The following APBB1IP variants were observed in gnomAD, a reference collection of about 807,000 sequenced individuals.
The protein encoded by APBB1IP is amyloid beta precursor protein binding family B member 1 interacting protein.
A neutral mutation model predicts 64.9 loss-of-function variants in APBB1IP; 27 were observed. The observed-to-expected ratio is 0.42, with a 90% CI of 0.31 to 0.57. APBB1IP has a LOEUF of 0.57. Ranked by LOEUF, APBB1IP falls within the 20% of genes least tolerant of loss-of-function variation. The pLI is 0.20. For missense variants in APBB1IP, 812 were observed against 845.5 expected, an observed-to-expected ratio of 0.96 and a Z score of 0.49; for synonymous variants, 392 against 331.0, an observed-to-expected ratio of 1.18 and a Z score of -2.00.
At chr10:26,472,805 C>T (rs1350641310) in intron 2 of APBB1IP, among the ~76,000 whole-genome samples, 1 of 152,052 alleles carries the variant, frequency 6.6e-6, no homozygotes, top group East Asian at 1.9e-4. Flanking sequence ...GGCATGGTGC[C>T]ACACTTCTGT....
At chr10:26,513,016 C>G (rs1159395580) in intron 7 of APBB1IP, among the ~76,000 whole-genome samples, 1 of 152,226 alleles carries the variant, frequency 6.6e-6, no homozygotes, top group African/African-American at 2.4e-5. Context: ...CACACTGGCT[C>G]TCACAATTTC....
At chr10:26,506,362 C>T (rs1720083734) in intron 6 of APBB1IP, among the ~76,000 whole-genome samples, 1 of 151,938 alleles carries the variant, frequency 6.6e-6, no homozygotes, top group Non-Finnish European at 1.5e-5. Flanking sequence ...ATCCTCCCAC[C>T]CAGCCTCCCA....
chr10:26,523,010 CAAAA>C (rs35641109), intron 8 of APBB1IP, among the ~76,000 whole-genome samples: 29 of 64,726 alleles, frequency 4.5e-4, no homozygotes, highest in African/African-American at 1.5e-3. Context: ...ACTCCATCTC[CAAAA>C]AAAAAAAAAA....
chr10:26,491,612 G>A (rs111966066), intron 2 of APBB1IP, among the ~76,000 whole-genome samples: 45 of 152,254 alleles, frequency 3.0e-4, no homozygotes, highest in African/African-American at 1.0e-3. Context: ...TTTTCACTTG[G>A]CAGGGCTGCC....
chr10:26,535,839 G>C (rs1238730511), intron 9 of APBB1IP, among the ~76,000 whole-genome samples: 2 of 152,146 alleles, frequency 1.3e-5, no homozygotes, highest in African/African-American at 4.8e-5. Context: ...CACGGTCACA[G>C]AGTTAAGTGG....
Position 26,560,761 on chromosome 10 carries a change from G to T in APBB1IP, c.1286G>T (p.Arg429Leu). The T allele has an allele frequency of 6.2e-7, 1 of 1,603,266 alleles. No individual in the cohort carries two copies. The highest frequency in any genetic ancestry group is 8.5e-7 in the Non-Finnish European group (1 of 1,174,186). ...YGKTLYDNYQRAVAKAGLASR... is the reference protein window; with the variant it reads ...YGKTLYDNYQLAVAKAGLASR... ...AAGACTCTCTATGATAACTACCAGC[G>T]GGCTGTGGCAAAGGCTGGACTTGCC... The change falls in exon 13 of 15, where the codon CGG (arginine) becomes CTG (leucine). Residue 429 changes from arginine (R) to leucine (L), a missense_variant. Physicochemically the swap from Arg to Leu is moderately radical, Grantham distance 102 (BLOSUM62 -2). Transcript: ENST00000376236.
At chr10:26,518,261 T>C (rs1171819852) in intron 8 of APBB1IP, among the ~76,000 whole-genome samples, 6 of 151,270 alleles carry the variant, frequency 4.0e-5, no homozygotes, top group Admixed American at 4.0e-4. Flanking sequence ...CCTATTTTTT[T>C]TTTTTTTTTA....
intron 13 of APBB1IP, 49 bp downstream of exon 13, chr10:26,560,893 C>T (rs1281066475): frequency 7.1e-7 from 1 of 1,410,080 alleles, no homozygotes; most frequent in Non-Finnish European, 9.7e-7. Flanking sequence ...CTTGGTGCTC[C>T]AGTTCAAAAT....
intron 14 of APBB1IP, among the ~76,000 whole-genome samples, chr10:26,565,635 G>GC (rs1286518696): frequency 3.3e-5 from 5 of 152,204 alleles, no homozygotes; most frequent in Non-Finnish European, 5.9e-5. Context: ...CCCAGGTTTG[G>GC]CTGCTCACCA....
At chr10:26,521,975 T>G (rs1474041825) in intron 8 of APBB1IP, among the ~76,000 whole-genome samples, 6 of 152,176 alleles carry the variant, frequency 3.9e-5, no homozygotes, top group Non-Finnish European at 8.8e-5. Flanking sequence ...GGTCTTGAAC[T>G]CCTGACCTCA....
At chr10:26,467,483 T>C (rs1428667032) in intron 2 of APBB1IP, among the ~76,000 whole-genome samples, 1 of 152,192 alleles carries the variant, frequency 6.6e-6, no homozygotes, top group Non-Finnish European at 1.5e-5. Context: ...ATTCCATAAT[T>C]GTGTTCAAGA....
intron 8 of APBB1IP, among the ~76,000 whole-genome samples, chr10:26,529,537 T>G (rs189587221): frequency 6.6e-6 from 1 of 152,358 alleles, no homozygotes; most frequent in African/African-American, 2.4e-5. Flanking sequence ...AATGTGGCCC[T>G]TCACAGTTTA....
chr10:26,515,095 G>A (rs182266072), intron 8 of APBB1IP, among the ~76,000 whole-genome samples: 14 of 150,914 alleles, frequency 9.3e-5, no homozygotes, highest in Middle Eastern at 3.4e-3. Context: ...GTTGGCCAGG[G>A]TGATCTTGAT....
chr10:26,454,363 C>T (rs1290201664), intron 2 of APBB1IP, among the ~76,000 whole-genome samples: 1 of 152,100 alleles, frequency 6.6e-6, no homozygotes, highest in East Asian at 1.9e-4. Flanking sequence ...ATTGCTTGAA[C>T]CCAGGAGGCA....
chr10:26,499,039 G>A (rs925425925), intron 4 of APBB1IP, among the ~76,000 whole-genome samples: 1 of 152,166 alleles, frequency 6.6e-6, no homozygotes, highest in African/African-American at 2.4e-5. Context: ...CAAGGCAGGA[G>A]GATCACTTAA....
At chr10:26,537,551 G>A (rs920708602) in intron 10 of APBB1IP, among the ~76,000 whole-genome samples, 1 of 152,082 alleles carries the variant, frequency 6.6e-6, no homozygotes, top group South Asian at 2.1e-4. Flanking sequence ...ATTTGTTTTC[G>A]AAATGTTTAT....
chr10:26,536,799 G>C (rs921931085), intron 10 of APBB1IP, among the ~76,000 whole-genome samples: 2 of 149,318 alleles, frequency 1.3e-5, no homozygotes, highest in East Asian at 4.0e-4. Context: ...TAGAGACGGG[G>C]TTTCACCATG....
rs770527059 is a variant in APBB1IP, at chr10:26,513,585, C to T, written c.738C>T (p.Asp246=). The T allele has an allele frequency of 6.8e-6, 11 of 1,612,408 alleles. No homozygotes were observed. The South Asian group carries it at 1.2e-4, about 18-fold the overall frequency. Residue 246 remains aspartate, a synonymous_variant, in exon 8 of 15, where the codon GAC becomes GAT. Coordinates refer to ENST00000376236, the MANE Select transcript of APBB1IP (RefSeq NM_019043.4). ...DHENVVEVLS[D]WTRDTENKIL... Reference sequence around the variant, plus strand: ...AAAATGTTGTTGAAGTCTTATCAGACTGGACAAGAGACACAGAAAATAAAA... The same window carrying T: ...AAAATGTTGTTGAAGTCTTATCAGATTGGACAAGAGACACAGAAAATAAAA...
intron 14 of APBB1IP, among the ~76,000 whole-genome samples, chr10:26,563,256 G>A (rs942087993): frequency 6.6e-6 from 1 of 152,126 alleles, no homozygotes; most frequent in African/African-American, 2.4e-5. Context: ...GGGATGCTGA[G>A]GCAGGAGGAT....
Sources: gnomAD v4.1 joint callset for allele counts (sites outside exome capture counted in the v4.1 genomes callset) on GRCh38, gnomAD v4.1.1 for gene constraint, MANE v1.5 for transcripts, NCBI Gene and HGNC (gene_info 2026-07-23, HGNC 2026-07-21) for gene names.